RBFOX1: variants seen among roughly 807,000 people sequenced by gnomAD.
RBFOX1 encodes RNA binding fox-1 homolog 1.
Under a neutral mutation model 57.7 loss-of-function variants are expected in RBFOX1, and 8 were observed. The ratio of observed to expected loss-of-function variants is 0.14; its 90% CI spans 0.08 to 0.25. The LOEUF is 0.25. RBFOX1 is among the 10% of genes least tolerant of loss of function. The pLI is 1.00. For missense variants in RBFOX1, 611 were observed against 548.5 expected, an observed-to-expected ratio of 1.11 and a Z score of -1.14; for synonymous variants, 326 against 222.4, an observed-to-expected ratio of 1.47 and a Z score of -4.15.
rs1567217635 is a variant in RBFOX1 at position 6,780,454 on chromosome 16, T to TTATATATATTTATATATATA, written c.-16+125805_-16+125806insATATATATTTATATATATAT. Among the ~76,000 whole-genome samples the TTATATATATTTATATATATA allele has an allele frequency of 6.7e-4, 67 of 99,522 alleles. 1 individual carries two copies. The highest frequency in any genetic ancestry group is 1.0e-3 in the South Asian group (3 of 2,860). 65.3% of individuals were successfully genotyped at this position (99,522 alleles called of 152,430 possible). The stretch of plus-strand genomic sequence containing the variant: ...TTTATAGATATATTTATATATACAT[T>TTATATATATTTATATATATA]TTTATATATATTTATATACATTTTT... On this transcript the variant is annotated intron_variant, in intron 3 of 15. Transcript: ENST00000550418.
Position 7,669,335 on chromosome 16 carries a change from G to A in RBFOX1, c.930+4367G>A, listed in dbSNP as rs571183548. On this transcript the variant is annotated intron_variant, in intron 13 of 15. Transcript: ENST00000550418. The stretch of plus-strand genomic sequence containing the variant: ...CAAAAAGTATAGCATTTGATCAAAA[G>A]ATAACTATTAATATTACAAATGAAA... 2.4e-4 allele frequency among the ~76,000 whole-genome samples: 37 copies of A among 152,192 alleles called. No homozygotes were observed. In the South Asian group the frequency reaches 7.5e-3, roughly 31 times the overall value.
chr16:6,664,908 C>A (rs960113378), intron 3 of RBFOX1, among the ~76,000 whole-genome samples: 1 of 152,184 alleles, frequency 6.6e-6, no homozygotes, highest in Non-Finnish European at 1.5e-5. Flanking sequence ...TCCTGTCTGT[C>A]CACAGCTGCA....
intron 3 of RBFOX1, among the ~76,000 whole-genome samples, chr16:6,858,863 G>A (rs8060329): frequency 0.78 from 118,157 of 151,606 alleles, 47,050 homozygotes; most frequent in African/African-American, 0.94. Flanking sequence ...ACTCAGACTC[G>A]TAGCTATTTC....
chr16:7,533,051 G>A (rs1228199025), intron 5 of RBFOX1, among the ~76,000 whole-genome samples: 1 of 152,218 alleles, frequency 6.6e-6, no homozygotes, highest in Non-Finnish European at 1.5e-5. Context: ...GGCAGCTAAT[G>A]TTGGGGATGT....
chr16:6,937,997 C>A (rs1442909978), intron 3 of RBFOX1, among the ~76,000 whole-genome samples: 1 of 97,364 alleles, frequency 1.0e-5, no homozygotes, highest in East Asian at 3.0e-4. Flanking sequence ...GGGGGGTGGG[C>A]TTACAATTTT....
At chr16:6,329,513 C>T (rs1225424550) in intron 2 of RBFOX1, among the ~76,000 whole-genome samples, 1 of 152,184 alleles carries the variant, frequency 6.6e-6, no homozygotes, top group African/African-American at 2.4e-5. Flanking sequence ...TCCAGTGGGA[C>T]TGTAAGTCTC....
intron 4 of RBFOX1, among the ~76,000 whole-genome samples, chr16:7,200,071 A>G (rs1260516882): frequency 2.0e-5 from 3 of 152,246 alleles, no homozygotes; most frequent in African/African-American, 7.2e-5. Flanking sequence ...AAAGTCAGAT[A>G]CTAGTCATAA....
intron 14 of RBFOX1, among the ~76,000 whole-genome samples, chr16:7,698,468 C>T (rs952050355): frequency 2.0e-5 from 3 of 152,150 alleles, no homozygotes; most frequent in African/African-American, 4.8e-5. Flanking sequence ...CAATTAGAAG[C>T]AAGTTCAGGG....
intron 3 of RBFOX1, among the ~76,000 whole-genome samples, chr16:6,803,516 G>A (rs1390987896): frequency 6.6e-6 from 1 of 152,124 alleles, no homozygotes; most frequent in Non-Finnish European, 1.5e-5. Context: ...GTATAATCTA[G>A]ATTTCCAGAT....
chr16:6,764,126 T>C (rs1207981265), intron 3 of RBFOX1, among the ~76,000 whole-genome samples: 1 of 152,188 alleles, frequency 6.6e-6, no homozygotes, highest in Non-Finnish European at 1.5e-5. Flanking sequence ...AGTCTTTGCG[T>C]ATGGAGAGGG....
At chr16:7,089,299 A>T (rs1479568663) in intron 4 of RBFOX1, among the ~76,000 whole-genome samples, 4 of 152,214 alleles carry the variant, frequency 2.6e-5, no homozygotes, top group Non-Finnish European at 1.5e-5. Context: ...CATGAACTTA[A>T]TAGAGAGTTC....
chr16:7,073,067 A>T (rs2057647273), intron 4 of RBFOX1, among the ~76,000 whole-genome samples: 1 of 152,150 alleles, frequency 6.6e-6, no homozygotes. Context: ...GAGGTAGTAC[A>T]GGTTGTAGGT....
intron 2 of RBFOX1, among the ~76,000 whole-genome samples, chr16:6,622,520 C>T (rs1343097221): frequency 6.6e-6 from 1 of 152,114 alleles, no homozygotes; most frequent in African/African-American, 2.4e-5. Context: ...TGTATAACTG[C>T]ACCGTGTGAT....
intron 4 of RBFOX1, among the ~76,000 whole-genome samples, chr16:7,104,969 G>C (rs1276690907): frequency 6.6e-6 from 1 of 151,330 alleles, no homozygotes; most frequent in African/African-American, 2.5e-5. Flanking sequence ...TTCTGTGCTT[G>C]TGTGTGTGTC....
chr16:5,904,150 C>T (rs1001697945), intron 4 of RBFOX1, among the ~76,000 whole-genome samples: 4 of 152,058 alleles, frequency 2.6e-5, no homozygotes, highest in Admixed American at 6.6e-5. Flanking sequence ...ATTCGGAGAT[C>T]GGCAATGCCT....
chr16:6,695,691 G>A (rs912989990), intron 3 of RBFOX1, among the ~76,000 whole-genome samples: 5 of 152,144 alleles, frequency 3.3e-5, no homozygotes, highest in Admixed American at 6.5e-5. Context: ...ATAGATATTT[G>A]TCAAGAAAGT....
At chr16:5,638,509 C>T (rs988383633) in intron 3 of RBFOX1, among the ~76,000 whole-genome samples, 1 of 152,162 alleles carries the variant, frequency 6.6e-6, no homozygotes, top group African/African-American at 2.4e-5. Context: ...GGGATACTCA[C>T]CTGCCACCCC....
intron 2 of RBFOX1, among the ~76,000 whole-genome samples, chr16:6,447,228 A>G (rs2534769): frequency 0.55 from 83,931 of 151,912 alleles, 23,415 homozygotes; most frequent in Admixed American, 0.61. Context: ...TTTCTTGTAC[A>G]GTGGAGTTAC....
At chr16:5,599,229 C>T (rs769222571) in exon 3 of RBFOX1, 1 of 691,422 alleles carries the variant, frequency 1.4e-6, no homozygotes, top group South Asian at 1.5e-5. Flanking sequence ...GTGGACAGAT[C>T]CGGGGCACAG....
Sources: gnomAD v4.1 joint callset for allele counts (sites outside exome capture counted in the v4.1 genomes callset) on GRCh38, gnomAD v4.1.1 for gene constraint, MANE v1.5 for transcripts, NCBI Gene and HGNC (gene_info 2026-07-23, HGNC 2026-07-21) for gene names.